Variants in MYH14 observed in about 807,000 individuals in gnomAD.
MYH14 encodes the protein myosin-14.
A neutral mutation model predicts 255.5 loss-of-function variants in MYH14; 123 were observed. That is an observed-to-expected ratio of 0.48 (90% CI 0.42 to 0.56). MYH14 has a LOEUF of 0.56. MYH14 is among the 20% of genes least tolerant of loss of function. MYH14 has a pLI of 0.00. For synonymous variants in MYH14, 1,095 were observed against 1,161.2 expected (o/e 0.94, Z 1.16); for missense variants, 2,423 against 2,802.3 (o/e 0.86, Z 3.06).
At chr19:50,263,488 C>T in intron 22 of MYH14, 68 bp downstream of exon 22, 1 of 1,126,460 alleles carries the variant, frequency 8.9e-7, no homozygotes, top group Admixed American at 2.5e-5. Flanking sequence ...GTCTGCTTGA[C>T]AAGTGACTTC....
rs1456565760 is a variant in MYH14, at chr19:50,259,132, C to T, written c.2233-12C>T. 2 of 1,546,668 alleles carry T rather than the reference C, an allele frequency of 1.3e-6. No homozygotes were observed. The highest frequency in any genetic ancestry group is 3.9e-5 in the Admixed American group (2 of 50,690). On this transcript the variant is annotated splice_polypyrimidine_tract_variant and intron_variant, in intron 18 of 42. Coordinates refer to ENST00000642316, the MANE Select transcript of MYH14 (RefSeq NM_001145809.2). ...CGCCGCTGACCCCCGCGTGTCCGTC[C>T]GCTCTCCCCAGGCCGGGAAGCTGGA...
At chr19:50,256,163 A>T (rs1294757492) in intron 17 of MYH14, among the ~76,000 whole-genome samples, 2 of 152,084 alleles carry the variant, frequency 1.3e-5, no homozygotes. Flanking sequence ...CCTGTAGTCC[A>T]AACTACTTGG....
In MYH14 at chr19:50,230,673, A is replaced by C; in HGVS notation, c.973+50A>C. 2 of 1,489,766 alleles carry C rather than the reference A, an allele frequency of 1.3e-6. No individual in the cohort carries two copies. Among genetic ancestry groups the C allele is most frequent in the South Asian group, 1.2e-5 (1 of 82,268 alleles). 92.3% of individuals were successfully genotyped at this position (1,489,766 alleles called of 1,614,324 possible). On this transcript the variant is annotated intron_variant, in intron 9 of 42. Transcript: ENST00000642316. The surrounding 1 kb of genome is among the most constrained non-coding windows in gnomAD (Gnocchi z 4.7). ...GCTCACCCGGGAGAGGGTGGGCACC[A>C]TGTCTCTCGGGGGCCCCTTCTGGGG...
Position 50,244,395 on chromosome 19 carries a change from C to T in MYH14, c.1210+58C>T, listed in dbSNP as rs114216808. 4,406 of 1,333,458 alleles carry T rather than the reference C, an allele frequency of 3.3e-3. 115 individuals carry two copies. In the African/African-American group the frequency reaches 0.053, roughly 16 times the overall value. The allele number at this position is 1,333,458 out of a possible 1,614,324, so 82.6% of individuals were successfully genotyped here. On this transcript the variant is annotated intron_variant, in intron 11 of 42. Transcript: ENST00000642316. ...CAGCCCCCGCCCAGGTGGTGCCCAG[C>T]CCTCCTGCACCCCTGTCCCACGTAG...
Position 50,286,677 on chromosome 19 carries a change from G to A in MYH14, c.4735G>A (p.Asp1579Asn). The change falls in exon 34 of 43, where the codon GAT becomes AAT. Residue 1579 changes from aspartate (D) to asparagine (N), a missense_variant. By Grantham distance (23) the Asp-to-Asn change is conservative. Transcript: ENST00000642316. ...AELEALLSSKDDVGKSVHELE... is the reference protein window; with the variant it reads ...AELEALLSSKNDVGKSVHELE... ...GCTGGAGGCACTGCTGAGCAGCAAG[G>A]ATGACGTCGGCAAGAGCGTGAGCAG... 8.2e-6 allele frequency: 13 copies of A among 1,576,468 alleles called. No homozygotes were observed. The highest frequency in any genetic ancestry group is 1.9e-5 in the Admixed American group (1 of 53,470).
At chr19:50,277,826 A>T (rs2123411288) in intron 29 of MYH14, among the ~76,000 whole-genome samples, 1 of 152,078 alleles carries the variant, frequency 6.6e-6, no homozygotes, top group South Asian at 2.1e-4. Flanking sequence ...CTGAGACAGG[A>T]GAATCACTTG....
chr19:50,215,752 G>A (rs1267117679), intron 2 of MYH14, among the ~76,000 whole-genome samples: 1 of 152,136 alleles, frequency 6.6e-6, no homozygotes, highest in Non-Finnish European at 1.5e-5. Flanking sequence ...CCAGGAGGTA[G>A]AGGCTGCAGT....
intron 34 of MYH14, among the ~76,000 whole-genome samples, chr19:50,287,535 C>T (rs2035932693): frequency 6.6e-6 from 1 of 152,150 alleles, no homozygotes; most frequent in Non-Finnish European, 1.5e-5. Flanking sequence ...GCCTCAGTCT[C>T]CCGAGTAGCA....
intron 41 of MYH14, chr19:50,308,181 G>A (rs1003970439): frequency 1.3e-5 from 2 of 152,230 alleles, no homozygotes; most frequent in Admixed American, 6.5e-5. Flanking sequence ...GTGAAAAAGA[G>A]CCAGTCAGAG....
At position 50,280,069 on chromosome 19, in the gene MYH14, C is replaced by T. The variant is rs771828482; in HGVS notation, c.4065C>T (p.Asn1355=). ...AELENVSGAL[N]EAESKTIRLS... is the part of the protein sequence containing the mutation. ...TGGAGAATGTGTCTGGGGCGCTGAA[C>T]GAGGCTGAGTCCAAAACCATCCGTC... The change falls in exon 31 of 43, where the codon AAC becomes AAT. Residue 1355 remains asparagine, a synonymous_variant. Transcript: ENST00000642316. The surrounding 1 kb of genome is among the most constrained non-coding windows in gnomAD (Gnocchi z 4.8). 20 of 1,610,548 alleles carry T rather than the reference C, an allele frequency of 1.2e-5. No individual in the cohort carries two copies. Among genetic ancestry groups the T allele is most frequent in the African/African-American group, 4.0e-5 (3 of 74,890 alleles).
At position 50,263,381 on chromosome 19, in the gene MYH14, C is replaced by G; in HGVS notation, c.2655C>G (p.Leu885=). ...TGCAGCGGAACTGCGCGGCCTACCT[C>G]AAGCTGAGACACTGGCAGTGGTGGC... is the stretch of plus-strand genomic sequence containing the variant. ...RVMQRNCAAY[L]KLRHWQWWRL... is the part of the protein sequence containing the mutation. Residue 885 remains leucine (L), a synonymous_variant, in exon 22 of 43, where the codon CTC becomes CTG. Coordinates refer to ENST00000642316, the MANE Select transcript of MYH14 (RefSeq NM_001145809.2). The G allele has an allele frequency of 6.2e-7, 1 of 1,604,458 alleles. No homozygotes were observed. Among genetic ancestry groups the G allele is most frequent in the Non-Finnish European group, 8.5e-7 (1 of 1,175,728 alleles).
At chr19:50,284,378 G>GT (rs1300939859) in intron 33 of MYH14, among the ~76,000 whole-genome samples, 2 of 151,396 alleles carry the variant, frequency 1.3e-5, no homozygotes, top group Non-Finnish European at 1.5e-5. Flanking sequence ...TGTTTGTTTT[G>GT]TTTTTTGAGA....
intron 17 of MYH14, 102 bp downstream of exon 17, chr19:50,255,420 C>T (rs2034558239): frequency 2.4e-6 from 2 of 834,354 alleles, no homozygotes; most frequent in African/African-American, 1.7e-5. Flanking sequence ...TCTCCTCTTA[C>T]TGTGGAGGTC....
chr19:50,263,499 C>A, intron 22 of MYH14, 79 bp downstream of exon 22: 1 of 982,774 alleles, frequency 1.0e-6, no homozygotes, highest in South Asian at 1.9e-5. Context: ...AAGTGACTTC[C>A]TCCATGTGGG....
At chr19:50,302,475 G>A (rs1352275663) in intron 40 of MYH14, among the ~76,000 whole-genome samples, 1 of 151,552 alleles carries the variant, frequency 6.6e-6, no homozygotes, top group Non-Finnish European at 1.5e-5. Context: ...CCCAGTTACT[G>A]GGGAGGCTGA....
chr19:50,257,365 G>C lies in MYH14; in HGVS notation c.2111G>C (p.Arg704Pro). The change falls in exon 18 of 43, where the codon CGT (arginine) becomes CCT (proline). Residue 704 changes from arginine (R) to proline (P), a missense_variant. Arg to Pro is a moderately radical substitution (Grantham distance 103). This residue lies in a region of MYH14 where 672 missense variants were observed against 881.8 expected (regional missense o/e 0.76). Transcript: ENST00000642316. ...GACGGCCCACCAGGTGGCCGCCCCCGTCGGGGTATGTTCCGGACAGTGGGA... is the reference window on the plus strand; with the variant it reads ...GACGGCCCACCAGGTGGCCGCCCCCCTCGGGGTATGTTCCGGACAGTGGGA... ...LGDGPPGGRP[R>P]RGMFRTVGQL... The C allele has an allele frequency of 6.2e-7, 1 of 1,608,490 alleles. No individual in the cohort carries two copies. Among genetic ancestry groups the C allele is most frequent in the Non-Finnish European group, 8.5e-7 (1 of 1,177,450 alleles).
intron 17 of MYH14, among the ~76,000 whole-genome samples, chr19:50,256,687 C>T (rs2034603670): frequency 6.6e-6 from 1 of 152,186 alleles, no homozygotes; most frequent in Non-Finnish European, 1.5e-5. Flanking sequence ...AAAATAGAAC[C>T]TCTATGAAAT....
intron 34 of MYH14, among the ~76,000 whole-genome samples, chr19:50,287,895 T>TACACAC (rs141417074): frequency 6.7e-6 from 1 of 149,212 alleles, no homozygotes; most frequent in Non-Finnish European, 1.5e-5. Flanking sequence ...ATAACACACA[T>TACACAC]ACACACACAC....
At position 50,215,317 on chromosome 19, in the gene MYH14, C is replaced by T. The variant is rs369022469; in HGVS notation, c.406-2298C>T. Among the ~76,000 whole-genome samples, 6 of 152,272 alleles carry T rather than the reference C, an allele frequency of 3.9e-5. No individual in the cohort carries two copies. The South Asian group carries it at 1.0e-3, about 26-fold the overall frequency. On this transcript the variant is annotated intron_variant, in intron 2 of 42. Transcript: ENST00000642316. ...ACCCTCCCAGGGAATGTGGTCCGGCCGCCCCACCCTCTGAGAGCTGGGGGG... is the reference window on the plus strand; with the variant it reads ...ACCCTCCCAGGGAATGTGGTCCGGCTGCCCCACCCTCTGAGAGCTGGGGGG...
Sources: gnomAD v4.1 joint callset for allele counts (sites outside exome capture counted in the v4.1 genomes callset) on GRCh38, gnomAD v4.1.1 for gene constraint, gnomAD v4.1.1 regional missense constraint, Gnocchi (gnomAD v3.1) non-coding constraint, MANE v1.5 for transcripts, NCBI Gene and HGNC (gene_info 2026-07-23, HGNC 2026-07-21) for gene names.